Variants in PAPPA2 observed in about 807,000 individuals in gnomAD.
The protein encoded by PAPPA2 is pappalysin 2.
PAPPA2 carries 86 observed loss-of-function variants against 176.4 expected under a neutral mutation model. The ratio of observed to expected loss-of-function variants is 0.49; its 90% CI spans 0.41 to 0.58. The LOEUF is 0.58. PAPPA2 is among the 20% of genes least tolerant of loss of function. PAPPA2 has a pLI of 0.00. For synonymous variants in PAPPA2, 809 were observed against 852.2 expected, an observed-to-expected ratio of 0.95 and a Z score of 0.88; for missense variants, 2,073 against 2,256.9, an observed-to-expected ratio of 0.92 and a Z score of 1.65.
At chr1:176,616,654 C>G (rs920157081) in intron 3 of PAPPA2, 1 of 1,568,170 alleles carries the variant, frequency 6.4e-7, no homozygotes, top group Non-Finnish European at 8.7e-7. Context: ...CATACTCTTA[C>G]TATTGTGGTA....
intron 1 of PAPPA2, among the ~76,000 whole-genome samples, chr1:176,535,895 G>A (rs1650044332): frequency 6.6e-6 from 1 of 152,176 alleles, no homozygotes; most frequent in South Asian, 2.1e-4. Context: ...TGAAAGTGAA[G>A]GCAGGAAGCC....
chr1:176,765,965 C>A, intron 15 of PAPPA2, 128 bp downstream of exon 15: 1 of 1,091,232 alleles, frequency 9.2e-7, no homozygotes, highest in Non-Finnish European at 1.3e-6. Flanking sequence ...CATGGGGGCT[C>A]TAACAAGCAG....
In PAPPA2 at chr1:176,671,176, C is replaced by T. The variant is rs189777604; in HGVS notation, c.2137+61C>T. Reference sequence around the variant, plus strand: ...AACAAAGAAGGCTGAAGGAAGCTTGCGAAAGTAAGTTTGGGGAAAAAAGAA... The same window carrying T: ...AACAAAGAAGGCTGAAGGAAGCTTGTGAAAGTAAGTTTGGGGAAAAAAGAA... On this transcript the variant is annotated intron_variant, in intron 4 of 22. Coordinates refer to ENST00000367662, the MANE Select transcript of PAPPA2 (RefSeq NM_020318.3). 4.8e-5 allele frequency: 76 copies of T among 1,586,892 alleles called. 1 individual carries two copies. Among genetic ancestry groups the T allele is most frequent in the Middle Eastern group, 1.9e-4 (1 of 5,364 alleles).
At chr1:176,564,466 A>G (rs1048724901) in intron 2 of PAPPA2, among the ~76,000 whole-genome samples, 9 of 152,236 alleles carry the variant, frequency 5.9e-5, no homozygotes, top group Non-Finnish European at 2.9e-5. Context: ...ATTCACAAAA[A>G]GAGGTGGCAG....
At chr1:176,555,065 T>C (rs1408894595) in intron 1 of PAPPA2, among the ~76,000 whole-genome samples, 2 of 151,718 alleles carry the variant, frequency 1.3e-5, no homozygotes, top group Non-Finnish European at 2.9e-5. Flanking sequence ...ACACTATTGA[T>C]TTTTTGCTAT....
intron 21 of PAPPA2, among the ~76,000 whole-genome samples, chr1:176,838,226 T>C (rs958624547): frequency 2.6e-5 from 4 of 152,220 alleles, no homozygotes; most frequent in African/African-American, 4.8e-5. Context: ...TTGAAGACTT[T>C]AGAAAGAAAA....
Position 176,690,284 on chromosome 1 carries a change from T to TA in PAPPA2, c.2285_2286insA (p.Pro763AlafsTer19). The stretch of plus-strand genomic sequence containing the variant: ...TGCAATGACCCCTGCAAGGAGACAG[T>TA]GCCATCCATGGAAACGGGAGACCTC... On this transcript the variant is annotated frameshift_variant, in exon 5 of 23. Coordinates refer to ENST00000367662, the MANE Select transcript of PAPPA2 (RefSeq NM_020318.3). LOFTEE classifies it high-confidence loss of function. The TA allele has an allele frequency of 6.2e-7, 1 of 1,614,086 alleles. No individual in the cohort carries two copies. The highest frequency in any genetic ancestry group is 1.1e-5 in the South Asian group (1 of 91,070).
chr1:176,699,659 T>G (rs1660557418), intron 8 of PAPPA2, 70 bp downstream of exon 8: 9 of 1,515,894 alleles, frequency 5.9e-6, no homozygotes, highest in African/African-American at 2.8e-5. Context: ...TTTCCCCCAC[T>G]TTTTAATATT....
chr1:176,694,883 A>G (rs1660296534), intron 6 of PAPPA2, among the ~76,000 whole-genome samples: 1 of 152,314 alleles, frequency 6.6e-6, no homozygotes, highest in South Asian at 2.1e-4. Flanking sequence ...TGTGAATGGA[A>G]ATTCTCAACA....
At chr1:176,609,754 A>C (rs1654807784) in intron 3 of PAPPA2, among the ~76,000 whole-genome samples, 1 of 152,144 alleles carries the variant, frequency 6.6e-6, no homozygotes, top group Admixed American at 6.5e-5. Flanking sequence ...GTACCTGTGG[A>C]TGATGTGTAA....
At chr1:176,727,162 A>G (rs576586616) in intron 12 of PAPPA2, among the ~76,000 whole-genome samples, 1 of 152,304 alleles carries the variant, frequency 6.6e-6, no homozygotes, top group South Asian at 2.1e-4. Flanking sequence ...GGAACTAAGA[A>G]ATGAATAATT....
chr1:176,638,622 G>A (rs533481981), intron 3 of PAPPA2, among the ~76,000 whole-genome samples: 4 of 151,990 alleles, frequency 2.6e-5, no homozygotes, highest in Admixed American at 2.0e-4. Context: ...CCTTCATGGC[G>A]CACTGTAGAT....
chr1:176,511,314 A>G (rs1277780302), intron 1 of PAPPA2, among the ~76,000 whole-genome samples: 3 of 152,204 alleles, frequency 2.0e-5, no homozygotes, highest in African/African-American at 7.2e-5. Flanking sequence ...TAAAAAATAT[A>G]GCCCTCATTC....
rs1651259466 is a variant in PAPPA2 at position 176,556,023 on chromosome 1, C to T, written c.-300C>T. 6.4e-6 allele frequency: 2 copies of T among 310,720 alleles called. No homozygotes were observed. The allele number at this position is 310,720 out of a possible 1,614,324, so 19.2% of individuals were successfully genotyped here. A position where few individuals can be genotyped will look rare whatever the true frequency, so the allele number is the denominator to read the frequency against. ...CTTTCTGGGAGGAAATTCAAAGGAA[C>T]CAAGAGAAATTAACTTCGTTCTGCA... On this transcript the variant is annotated 5_prime_UTR_variant, in exon 2 of 23. Coordinates refer to ENST00000367662, the MANE Select transcript of PAPPA2 (RefSeq NM_020318.3).
At chr1:176,543,533 T>C (rs1558426250) in intron 1 of PAPPA2, among the ~76,000 whole-genome samples, 2 of 152,076 alleles carry the variant, frequency 1.3e-5, no homozygotes, top group Middle Eastern at 3.2e-3. Context: ...TGTCTTCCTG[T>C]GGAGGTTTAG....
intron 3 of PAPPA2, among the ~76,000 whole-genome samples, chr1:176,612,255 G>C (rs186054095): frequency 6.6e-6 from 1 of 152,146 alleles, no homozygotes; most frequent in South Asian, 2.1e-4. Context: ...TTAGCTGGGC[G>C]TGGTGGTGCA....
chr1:176,525,535 C>T (rs1414350621), intron 1 of PAPPA2, among the ~76,000 whole-genome samples: 2 of 152,074 alleles, frequency 1.3e-5, no homozygotes, highest in Admixed American at 1.3e-4. Flanking sequence ...GTATGACTAC[C>T]TTAGAATCAC....
chr1:176,815,536 GTA>G (rs1666339048), intron 21 of PAPPA2, among the ~76,000 whole-genome samples: 1 of 152,098 alleles, frequency 6.6e-6, no homozygotes, highest in Non-Finnish European at 1.5e-5. Flanking sequence ...ATGCATACAT[GTA>G]TATGTATTGT....
chr1:176,537,122 T>G (rs1324896522), intron 1 of PAPPA2, among the ~76,000 whole-genome samples: 5 of 152,242 alleles, frequency 3.3e-5, no homozygotes, highest in African/African-American at 1.2e-4. Context: ...CCTAGAGATT[T>G]GTTTTCTAAA....
Sources: gnomAD v4.1 joint callset for allele counts (sites outside exome capture counted in the v4.1 genomes callset) on GRCh38, gnomAD v4.1.1 for gene constraint, MANE v1.5 for transcripts, NCBI Gene and HGNC (gene_info 2026-07-23, HGNC 2026-07-21) for gene names.